The following IL1RAPL2 variants were observed in gnomAD, a reference collection of about 807,000 sequenced individuals.
IL1RAPL2 encodes X-linked interleukin-1 receptor accessory protein-like 2.
In IL1RAPL2, 3 loss-of-function variants were observed where a neutral mutation model predicts 44.1. The observed-to-expected ratio is 0.07, with a 90% confidence interval of 0.03 to 0.18. IL1RAPL2 has a LOEUF of 0.18. Among genes scored for constraint, IL1RAPL2 ranks in the 10% least tolerant of loss-of-function variants. IL1RAPL2 has a pLI of 1.00. For synonymous variants in IL1RAPL2, 181 were observed against 178.8 expected (o/e 1.01, Z -0.10); for missense variants, 391 against 496.4 (o/e 0.79, Z 2.02).
intron 5 of IL1RAPL2, among the ~76,000 whole-genome samples, chrX:105,372,736 G>A (rs775683905): frequency 9.0e-6 from 1 of 111,640 alleles, no homozygotes; most frequent in East Asian, 2.8e-4. Context: ...GTGGTATTTG[G>A]TTTTCAGTTC....
intron 6 of IL1RAPL2, among the ~76,000 whole-genome samples, chrX:105,684,214 G>T (rs774931099): frequency 1.8e-5 from 2 of 112,511 alleles, no homozygotes; most frequent in Non-Finnish European, 1.9e-5. Flanking sequence ...AGGGCGAGCT[G>T]AAGCAGGGCG....
intron 8 of IL1RAPL2, among the ~76,000 whole-genome samples, chrX:105,744,900 A>G (rs1460141054): frequency 1.8e-5 from 2 of 111,622 alleles, no homozygotes; most frequent in Non-Finnish European, 3.8e-5. Context: ...TTCTCATAAA[A>G]CAGGGGCATA....
chrX:105,038,560 T>A (rs937706650), intron 2 of IL1RAPL2, among the ~76,000 whole-genome samples: 4 of 110,458 alleles, frequency 3.6e-5, no homozygotes, highest in African/African-American at 1.3e-4. Flanking sequence ...AACTTTGATT[T>A]TAGATTAAGG....
At chrX:105,019,752 C>T (rs2031251706) in intron 2 of IL1RAPL2, among the ~76,000 whole-genome samples, 1 of 111,387 alleles carries the variant, frequency 9.0e-6, no homozygotes, top group South Asian at 3.7e-4. Context: ...CTCAACTGTT[C>T]ATTTTTAACT....
chrX:104,772,133 C>T (rs1021239517), intron 2 of IL1RAPL2, among the ~76,000 whole-genome samples: 1 of 111,236 alleles, frequency 9.0e-6, no homozygotes, highest in Non-Finnish European at 1.9e-5. Context: ...ATTTTATGCA[C>T]GGGTATTCCT....
chrX:104,840,276 T>C (rs1296246025), intron 2 of IL1RAPL2, among the ~76,000 whole-genome samples: 6 of 112,072 alleles, frequency 5.4e-5, no homozygotes, highest in South Asian at 3.7e-4. Context: ...TTTGTTCTCA[T>C]TGGTTTCAAA....
chrX:104,695,501 A>T (rs1378911993), intron 2 of IL1RAPL2, among the ~76,000 whole-genome samples: 1 of 111,206 alleles, frequency 9.0e-6, no homozygotes, highest in Non-Finnish European at 1.9e-5. Context: ...GACTAAGGGA[A>T]GACTTTGAGA....
At chrX:104,714,536 A>G (rs1175061837) in intron 2 of IL1RAPL2, among the ~76,000 whole-genome samples, 1 of 110,753 alleles carries the variant, frequency 9.0e-6, no homozygotes, top group African/African-American at 3.3e-5. Context: ...TGTGATTGTA[A>G]GTTTCTTGAG....
chrX:104,974,364 A>G (rs1243464944), intron 2 of IL1RAPL2, among the ~76,000 whole-genome samples: 1 of 112,314 alleles, frequency 8.9e-6, no homozygotes, highest in African/African-American at 3.2e-5. Context: ...TTCTCTTCAA[A>G]TGAATAAGCC....
At chrX:104,956,435 A>G (rs1447663413) in intron 2 of IL1RAPL2, among the ~76,000 whole-genome samples, 1 of 99,453 alleles carries the variant, frequency 1.0e-5, no homozygotes, top group African/African-American at 3.9e-5. Context: ...CAGCCTGGCC[A>G]ACATGGCAAA....
intron 5 of IL1RAPL2, among the ~76,000 whole-genome samples, chrX:105,354,863 A>T (rs1182438489): frequency 9.0e-6 from 1 of 110,999 alleles, no homozygotes; most frequent in Non-Finnish European, 1.9e-5. Context: ...TGTCTTGTTC[A>T]ACCTGTCATC....
At chrX:105,220,282 A>G (rs1556179571) in intron 3 of IL1RAPL2, 7 of 1,209,206 alleles carry the variant, frequency 5.8e-6, no homozygotes, top group Non-Finnish European at 6.7e-6. Context: ...GGATAAGGAT[A>G]TATTCTCAAG....
chrX:105,561,920 A>G, intron 6 of IL1RAPL2, among the ~76,000 whole-genome samples: 1 of 112,214 alleles, frequency 8.9e-6, no homozygotes. Flanking sequence ...GTACAAAGTC[A>G]ACAGAGGATC....
intron 7 of IL1RAPL2, among the ~76,000 whole-genome samples, chrX:105,719,531 C>G (rs941002627): frequency 9.0e-6 from 1 of 111,072 alleles, no homozygotes; most frequent in Non-Finnish European, 1.9e-5. Context: ...ACAACCACCA[C>G]CACTTTATAG....
chrX:105,314,997 G>A (rs1443883872), intron 5 of IL1RAPL2, among the ~76,000 whole-genome samples: 1 of 112,010 alleles, frequency 8.9e-6, no homozygotes, highest in Non-Finnish European at 1.9e-5. Context: ...TCAAGTTGAA[G>A]TTTTCTTCTC....
At chrX:105,393,036 A>G (rs1230577231) in intron 5 of IL1RAPL2, among the ~76,000 whole-genome samples, 1 of 112,773 alleles carries the variant, frequency 8.9e-6, no homozygotes, top group Non-Finnish European at 1.9e-5. Context: ...GACAAAATCA[A>G]TTCACTAGGA....
intron 6 of IL1RAPL2, among the ~76,000 whole-genome samples, chrX:105,552,709 G>A (rs1470074974): frequency 1.8e-5 from 2 of 111,745 alleles, no homozygotes; most frequent in Admixed American, 9.6e-5. Context: ...GAATAAGTGC[G>A]AAATGCATTT....
At chrX:104,993,223 A>C (rs1181837378) in intron 2 of IL1RAPL2, among the ~76,000 whole-genome samples, 1 of 111,779 alleles carries the variant, frequency 8.9e-6, no homozygotes, top group Non-Finnish European at 1.9e-5. Flanking sequence ...AGGCATCTTT[A>C]TGCATGAGTC....
intron 1 of IL1RAPL2, among the ~76,000 whole-genome samples, chrX:104,653,421 C>T (rs747614544): frequency 1.8e-5 from 2 of 111,371 alleles, no homozygotes; most frequent in African/African-American, 6.5e-5. Context: ...CCACCTCTCC[C>T]GAGGGTTCTT....
Sources: allele counts gnomAD v4.1 joint callset (sites outside exome capture counted in the v4.1 genomes callset), GRCh38; gene constraint gnomAD v4.1.1; transcripts MANE v1.5; gene names NCBI Gene and HGNC (gene_info 2026-07-23, HGNC 2026-07-21).